Variants in TRPM1 observed in about 807,000 individuals in gnomAD.
TRPM1 encodes TRPM1-203 APA Isoform, Intron 10.
In TRPM1, 113 loss-of-function variants were observed where a neutral mutation model predicts 149.4. That is an observed-to-expected ratio of 0.76 (90% CI 0.65 to 0.88). The LOEUF (loss-of-function observed/expected upper bound fraction) is 0.88, where lower values mean the gene tolerates loss of function less well. TRPM1 is among the 40% of genes least tolerant of loss of function. The pLI, the probability that TRPM1 is intolerant of heterozygous loss-of-function variation, is 0.00. For missense variants in TRPM1, 1,976 were observed against 2,038.7 expected (o/e 0.97, Z 0.59); for synonymous variants, 741 against 759.5 (o/e 0.98, Z 0.40).
intron 22 of TRPM1, chr15:31,031,403 CTGT>C: frequency 1.7e-6 from 1 of 577,628 alleles, no homozygotes; most frequent in Non-Finnish European, 3.1e-6. Flanking sequence ...TGCTTCTTCT[CTGT>C]TGTTGCCCAT....
intron 1 of TRPM1, among the ~76,000 whole-genome samples, chr15:31,156,987 C>T (rs962421093): frequency 7.3e-5 from 11 of 151,418 alleles, no homozygotes; most frequent in Non-Finnish European, 1.5e-5. Flanking sequence ...GTGCAGCTCG[C>T]TGCATCCTTG....
upstream of TRPM1, among the ~76,000 whole-genome samples, chr15:31,104,430 G>A (rs8033330): frequency 0.24 from 36,796 of 151,910 alleles, 5,098 homozygotes; most frequent in African/African-American, 0.36. Context: ...AGTTAGTCTC[G>A]AAACCTGTTC....
chr15:31,089,574 G>A (rs965437789), intron 1 of TRPM1, among the ~76,000 whole-genome samples: 10 of 152,206 alleles, frequency 6.6e-5, no homozygotes, highest in African/African-American at 2.4e-4. Context: ...GAGCGGCACC[G>A]TTTGCTCTGT....
intron 1 of TRPM1, among the ~76,000 whole-genome samples, chr15:31,128,670 G>T (rs1413765659): frequency 1.3e-5 from 2 of 152,170 alleles, no homozygotes; most frequent in Non-Finnish European, 2.9e-5. Context: ...ACATGCAGAG[G>T]CAGCCCCAAC....
At chr15:31,064,974 T>A (rs1332221812) in intron 7 of TRPM1, 9 of 489,216 alleles carry the variant, frequency 1.8e-5, no homozygotes, top group Admixed American at 4.6e-5. Context: ...CAAATCACCT[T>A]CTTTTCGAGC....
At chr15:31,102,401 A>G (rs1159607503), upstream of TRPM1, among the ~76,000 whole-genome samples, 1 of 152,162 alleles carries the variant, frequency 6.6e-6, no homozygotes, top group African/African-American at 2.4e-5. Context: ...ACCCTGAACT[A>G]TCCCTCTCTG....
rs375091715 is a variant in TRPM1, at chr15:31,150,286, C to CAAA, written c.54+10619_54+10620insTTT. ...ATCTCTAACGGAGGACTCTGTGATC[C>CAAA]CTTTGGTTTGGAGCTGGGCATGCCC... On this transcript the variant is annotated intron_variant, in intron 1 of 26. Transcript: ENST00000542188. Among the ~76,000 whole-genome samples, 493 of 152,128 alleles carry CAAA rather than the reference C, an allele frequency of 3.2e-3. 8 individuals are homozygous for CAAA. The highest frequency in any genetic ancestry group is 0.011 in the African/African-American group (459 of 41,488).
At chr15:31,021,467 G>A (rs1372453822) in intron 27 of TRPM1, among the ~76,000 whole-genome samples, 6 of 152,170 alleles carry the variant, frequency 3.9e-5, no homozygotes, top group South Asian at 2.1e-4. Flanking sequence ...AGGCTAAGGC[G>A]GGAGGACCGC....
chr15:31,113,689 G>C (rs1354716902), intron 1 of TRPM1, among the ~76,000 whole-genome samples: 2 of 152,064 alleles, frequency 1.3e-5, no homozygotes, highest in Non-Finnish European at 2.9e-5. Context: ...TAAGACTACT[G>C]TGCCCATAGT....
In TRPM1 at chr15:31,042,001, G is replaced by A. The variant is rs540822208; in HGVS notation, c.2037C>T (p.Ser679=). The A allele has an allele frequency of 1.1e-5, 17 of 1,614,186 alleles. No homozygotes were observed. Among genetic ancestry groups the A allele is most frequent in the East Asian group, 8.9e-5 (4 of 44,880 alleles). The change falls in exon 17 of 28, where the codon TCC becomes TCT. Residue 679 remains serine, a synonymous_variant. Coordinates refer to ENST00000256552, the MANE Select transcript of TRPM1 (RefSeq NM_001252024.2). ...KLYKAMAHES[S]ESDLVDDISQ... ...AGATGTCATCCACCAGATCACTCTC[G>A]GAGGACTCGTGGGCCATGGCCTTGT...
At chr15:31,143,651 G>C (rs1388846742) in intron 1 of TRPM1, among the ~76,000 whole-genome samples, 1 of 152,030 alleles carries the variant, frequency 6.6e-6, no homozygotes, top group Non-Finnish European at 1.5e-5. Flanking sequence ...GACCTCAAGT[G>C]ATCCACCCAC....
At chr15:31,070,452 T>C (rs1450234424) in intron 3 of TRPM1, 1 of 701,916 alleles carries the variant, frequency 1.4e-6, no homozygotes, top group South Asian at 1.5e-5. Context: ...CATTGGATGG[T>C]TGCTCTTTCG....
chr15:31,105,459 G>C (rs913260929), upstream of TRPM1, among the ~76,000 whole-genome samples: 1 of 146,168 alleles, frequency 6.8e-6, no homozygotes, highest in African/African-American at 2.7e-5. Flanking sequence ...GTGTGTGTGT[G>C]TGTGTGTGTG....
At chr15:31,078,207 C>T (rs1490816803) in intron 2 of TRPM1, among the ~76,000 whole-genome samples, 1 of 152,108 alleles carries the variant, frequency 6.6e-6, no homozygotes, top group Non-Finnish European at 1.5e-5. Flanking sequence ...TCCTGGCTGT[C>T]CCCATTTACC....
At chr15:31,012,583 T>C (rs2032223282) in intron 27 of TRPM1, among the ~76,000 whole-genome samples, 1 of 152,226 alleles carries the variant, frequency 6.6e-6, no homozygotes, top group African/African-American at 2.4e-5. Context: ...ATAACGTTAA[T>C]TGGTATGGAT....
At chr15:31,089,113 G>A (rs1212500677) in intron 1 of TRPM1, among the ~76,000 whole-genome samples, 3 of 152,244 alleles carry the variant, frequency 2.0e-5, no homozygotes, top group Admixed American at 6.5e-5. Flanking sequence ...CAGAAAATTC[G>A]TGATGAATAC....
At chr15:31,137,722 A>G (rs2036107927) in intron 1 of TRPM1, among the ~76,000 whole-genome samples, 1 of 152,232 alleles carries the variant, frequency 6.6e-6, no homozygotes, top group South Asian at 2.1e-4. Context: ...TTTTGCCTAA[A>G]TATTCACAAT....
chr15:31,064,411 G>A (rs548608841), intron 7 of TRPM1, among the ~76,000 whole-genome samples: 2 of 152,172 alleles, frequency 1.3e-5, no homozygotes, highest in Non-Finnish European at 2.9e-5. Flanking sequence ...GGCAGAACCT[G>A]CAGGCATGGC....
At chr15:31,042,410 C>CATA (rs2033649274) in intron 16 of TRPM1, 167 bp from the exon 17 acceptor site, 2 of 718,480 alleles carry the variant, frequency 2.8e-6, no homozygotes, top group East Asian at 5.4e-5. Context: ...AAGATGCACA[C>CATA]GTTTATTATG....
Sources: allele counts gnomAD v4.1 joint callset (sites outside exome capture counted in the v4.1 genomes callset), GRCh38; gene constraint gnomAD v4.1.1; transcripts MANE v1.5; gene names NCBI Gene and HGNC (gene_info 2026-07-23, HGNC 2026-07-21).